NF1: variants seen among roughly 807,000 people sequenced by gnomAD.
The protein encoded by NF1 is neurofibromin.
Under a neutral mutation model 325.7 loss-of-function variants are expected in NF1, and 122 were observed. The ratio of observed to expected loss-of-function variants is 0.37; its 90% CI spans 0.32 to 0.44. The LOEUF (loss-of-function observed/expected upper bound fraction) is 0.44. Among genes scored for constraint, NF1 ranks in the 20% least tolerant of loss-of-function variants. The probability of loss-of-function intolerance (pLI) is 1.00; values close to 1 mark genes in which losing one functional copy is unlikely to be tolerated. For synonymous variants in NF1, 1,091 were observed against 1,186.0 expected (o/e 0.92, Z 1.65); for missense variants, 2,140 against 3,415.4 (o/e 0.63, Z 9.31).
intron 8 of NF1, among the ~76,000 whole-genome samples, chr17:31,187,684 C>T (rs942422245): frequency 6.6e-5 from 10 of 152,110 alleles, no homozygotes; most frequent in Admixed American, 5.2e-4. Flanking sequence ...TCTCCCATAG[C>T]CAGGATTCCC....
chr17:31,317,499 T>C (rs2069054779), intron 36 of NF1: 3 of 152,054 alleles, frequency 2.0e-5, no homozygotes, highest in African/African-American at 7.2e-5. Context: ...GTAGTATTTA[T>C]AGAAAAGATG....
chr17:31,318,136 A>T, intron 36 of NF1: 1 of 766,934 alleles, frequency 1.3e-6, no homozygotes, highest in Non-Finnish European at 2.0e-6. Context: ...TACACAGTTT[A>T]AATAATTAAG....
intron 29 of NF1, among the ~76,000 whole-genome samples, chr17:31,242,459 T>C (rs749587631): frequency 6.6e-6 from 1 of 151,976 alleles, no homozygotes; most frequent in Non-Finnish European, 1.5e-5. Flanking sequence ...GAGGCTGTTT[T>C]CTAGATCTTG....
In NF1 at chr17:31,232,768, G is replaced by C. The variant is rs1060500325; in HGVS notation, c.3383G>C (p.Gly1128Ala). The C allele has an allele frequency of 6.2e-7, 1 of 1,613,822 alleles. No individual in the cohort carries two copies. The highest frequency in any genetic ancestry group is 8.5e-7 in the Non-Finnish European group (1 of 1,179,930). Residue 1128 changes from glycine to alanine, a missense_variant, in exon 26 of 58, where the codon GGT (glycine) becomes GCT (alanine). Physicochemically the swap from Gly to Ala is moderately conservative, Grantham distance 60 (BLOSUM62 0). Around this residue, in one of 10 missense-constraint regions of NF1, gnomAD observed 380 missense variants for 639.3 expected, o/e 0.59. Transcript: ENST00000358273. The part of the protein sequence containing the change: ...SEVEDESAQT[G>A]GRKRGMSRRL... ...GTTGAAGATGAAAGTGCGCAAACAGGTGGCAGGAAACGTGGCATGTCTCGG... is the reference window on the plus strand; with the variant it reads ...GTTGAAGATGAAAGTGCGCAAACAGCTGGCAGGAAACGTGGCATGTCTCGG...
At position 31,181,408 on chromosome 17, in the gene NF1, T is replaced by C. The variant is rs940581106; in HGVS notation, c.587-14T>C. ...TATTCTAGAGTTAATTTTTAAAAAT[T>C]GTGTTTTTTCCAGAAACAGCATTTA... is the stretch of plus-strand genomic sequence containing the variant. On this transcript the variant is annotated splice_polypyrimidine_tract_variant and intron_variant, in intron 5 of 57. Coordinates refer to ENST00000358273, the MANE Select transcript of NF1 (RefSeq NM_001042492.3). 1 of 1,611,388 alleles carries C rather than the reference T, an allele frequency of 6.2e-7. No homozygotes were observed. Among genetic ancestry groups the C allele is most frequent in the Non-Finnish European group, 8.5e-7 (1 of 1,178,090 alleles).
chr17:31,338,873 A>T, intron 46 of NF1, 68 bp downstream of exon 46: 1 of 1,006,326 alleles, frequency 9.9e-7, no homozygotes, highest in South Asian at 1.3e-5. Context: ...TTTCTTTCAA[A>T]GAGTTTAGAA....
intron 12 of NF1, among the ~76,000 whole-genome samples, chr17:31,208,716 C>G (rs1407019122): frequency 6.6e-6 from 1 of 152,020 alleles, no homozygotes; most frequent in Non-Finnish European, 1.5e-5. Flanking sequence ...CATGGTGATA[C>G]CCTATATCTA....
chr17:31,102,361 TA>T (rs1391056474), intron 1 of NF1, among the ~76,000 whole-genome samples: 9 of 152,170 alleles, frequency 5.9e-5, no homozygotes, highest in Admixed American at 1.3e-4. Flanking sequence ...TTATTATTAT[TA>T]TTTTTTGTGT....
At chr17:31,210,792 GA>G (rs1170047971) in intron 12 of NF1, among the ~76,000 whole-genome samples, 17 of 152,178 alleles carry the variant, frequency 1.1e-4, no homozygotes, top group Admixed American at 3.9e-4. Context: ...TACAATCTAA[GA>G]TAGTATTATT....
chr17:31,130,351 G>A (rs1034940009), intron 1 of NF1, among the ~76,000 whole-genome samples: 2 of 152,164 alleles, frequency 1.3e-5, no homozygotes, highest in African/African-American at 4.8e-5. Context: ...AGTGTAGGGG[G>A]TGGCAGTGGA....
chr17:31,276,891 A>G (rs553069765), intron 36 of NF1, among the ~76,000 whole-genome samples: 5 of 152,038 alleles, frequency 3.3e-5, no homozygotes, highest in East Asian at 1.9e-4. Flanking sequence ...TCTCCACGCA[A>G]TGGAAAATCT....
At chr17:31,143,000 T>C (rs1916343631) in intron 1 of NF1, among the ~76,000 whole-genome samples, 1 of 152,226 alleles carries the variant, frequency 6.6e-6, no homozygotes, top group South Asian at 2.1e-4. Flanking sequence ...CAACCTGATC[T>C]GTTAGTTATG....
rs964288 is a variant in NF1 at position 31,352,228 on chromosome 17, G to C, written c.7458-29G>C. 1.4e-5 allele frequency: 22 copies of C among 1,607,448 alleles called. 1 individual carries two copies. The highest frequency in any genetic ancestry group is 1.9e-5 in the Non-Finnish European group (22 of 1,174,524). On this transcript the variant is annotated intron_variant, in intron 50 of 57. Transcript: ENST00000358273. The stretch of plus-strand genomic sequence containing the variant: ...GGTTGTATTTGTCACCATATTAATT[G>C]ATTTTTCTCTATTGTTTTCATCTTT...
At chr17:31,368,536 T>C (rs530785678) in intron 57 of NF1, among the ~76,000 whole-genome samples, 1 of 152,330 alleles carries the variant, frequency 6.6e-6, no homozygotes, top group East Asian at 1.9e-4. Flanking sequence ...TTACTGTAGC[T>C]TAAAAATAGG....
chr17:31,244,334 G>C (rs576965125), intron 29 of NF1, among the ~76,000 whole-genome samples: 1 of 152,238 alleles, frequency 6.6e-6, no homozygotes, highest in East Asian at 1.9e-4. Context: ...TGTCTCACTA[G>C]GTCCACCCCA....
intron 35 of NF1, among the ~76,000 whole-genome samples, chr17:31,264,043 C>T (rs142382350): frequency 1.0e-3 from 155 of 152,170 alleles, no homozygotes; most frequent in African/African-American, 3.5e-3. Context: ...TGAGCTAATG[C>T]AATCTCTTCC....
intron 29 of NF1, among the ~76,000 whole-genome samples, chr17:31,239,018 G>A (rs2067249908): frequency 1.3e-5 from 2 of 152,130 alleles, no homozygotes; most frequent in Admixed American, 6.6e-5. Flanking sequence ...CATCTTGTCT[G>A]GCTTTCAACA....
chr17:31,330,627 A>G, intron 39 of NF1, 129 bp downstream of exon 39: 3 of 737,640 alleles, frequency 4.1e-6, no homozygotes, highest in Admixed American at 2.7e-5. Context: ...TTCTGATTTT[A>G]TATCTGTGGT....
At chr17:31,223,927 A>T (rs2066970017) in intron 16 of NF1, among the ~76,000 whole-genome samples, 1 of 152,192 alleles carries the variant, frequency 6.6e-6, no homozygotes, top group South Asian at 2.1e-4. Context: ...CATAAAATTT[A>T]TTTTAACATA....
Sources: allele counts gnomAD v4.1 joint callset (sites outside exome capture counted in the v4.1 genomes callset), GRCh38; gene constraint gnomAD v4.1.1; regional missense constraint gnomAD v4.1.1; transcripts MANE v1.5; gene names NCBI Gene and HGNC (gene_info 2026-07-23, HGNC 2026-07-21).